Variants in RHBDD1 observed in about 807,000 individuals in gnomAD.
RHBDD1 encodes rhomboid-related protein 4.
In RHBDD1, 38 loss-of-function variants were observed where a neutral mutation model predicts 36.3. The ratio of observed to expected loss-of-function variants is 1.05; its 90% CI spans 0.81 to 1.37. The LOEUF (loss-of-function observed/expected upper bound fraction) is 1.37. Ranked by LOEUF, RHBDD1 falls within the 40% of genes most tolerant of loss-of-function variation. RHBDD1 has a pLI of 0.00. For synonymous variants in RHBDD1, 151 were observed against 136.5 expected (o/e 1.11, Z -0.74); for missense variants, 393 against 377.6 (o/e 1.04, Z -0.34).
intron 8 of RHBDD1, among the ~76,000 whole-genome samples, chr2:226,985,692 A>C (rs1254694604): frequency 6.6e-6 from 1 of 152,238 alleles, no homozygotes; most frequent in Non-Finnish European, 1.5e-5. Context: ...CCAATCAGCA[A>C]CTATTTCTTA....
chr2:226,984,730 A>G (rs1956548115), intron 8 of RHBDD1, among the ~76,000 whole-genome samples: 1 of 152,206 alleles, frequency 6.6e-6, no homozygotes, highest in South Asian at 2.1e-4. Flanking sequence ...CCTAGAACTC[A>G]TGGAATACTC....
chr2:226,942,460 T>A, intron 8 of RHBDD1: 1 of 274,498 alleles, frequency 3.6e-6, no homozygotes, highest in South Asian at 3.1e-5. Context: ...AGGATGGTCT[T>A]GATCTCCTGA....
chr2:226,940,540 G>A (rs1020990547), intron 8 of RHBDD1, among the ~76,000 whole-genome samples: 2 of 152,238 alleles, frequency 1.3e-5, no homozygotes, highest in Admixed American at 6.5e-5. Flanking sequence ...TTGTGTGTGT[G>A]TGTGTATCTC....
chr2:226,911,857 G>A (rs2125688258), intron 7 of RHBDD1, among the ~76,000 whole-genome samples: 1 of 152,164 alleles, frequency 6.6e-6, no homozygotes, highest in African/African-American at 2.4e-5. Context: ...AAATATGAAA[G>A]TTGGGTTATT....
In RHBDD1 at chr2:226,914,359, T is replaced by C. The variant is rs1257491575; in HGVS notation, c.856+8T>C. ...CCAGCCTCTGGGACCGAGGTAGGAGTCTTGCGCCCTTCAGTTATTTTAAAG... is the reference window on the plus strand; with the variant it reads ...CCAGCCTCTGGGACCGAGGTAGGAGCCTTGCGCCCTTCAGTTATTTTAAAG... On this transcript the variant is annotated splice_region_variant and intron_variant, in intron 8 of 8. Transcript: ENST00000392062. 6.2e-7 allele frequency: 1 copy of C among 1,608,404 alleles called. No individual in the cohort carries two copies. Among genetic ancestry groups the C allele is most frequent in the East Asian group, 2.2e-5 (1 of 44,744 alleles).
intron 5 of RHBDD1, among the ~76,000 whole-genome samples, chr2:226,894,790 G>A (rs1946965960): frequency 6.6e-6 from 1 of 152,182 alleles, no homozygotes; most frequent in South Asian, 2.1e-4. Context: ...TTAAGTAGCA[G>A]GGTGATGTCA....
chr2:226,964,529 C>T (rs1952475585), intron 8 of RHBDD1, among the ~76,000 whole-genome samples: 1 of 152,156 alleles, frequency 6.6e-6, no homozygotes, highest in South Asian at 2.1e-4. Context: ...CTCTTCTTTT[C>T]TTCTCCCAAG....
chr2:226,833,374 T>G (rs1415193080), upstream of RHBDD1, among the ~76,000 whole-genome samples: 1 of 152,226 alleles, frequency 6.6e-6, no homozygotes, highest in Non-Finnish European at 1.5e-5. Context: ...TTGCCTGACG[T>G]CCTCTCACTT....
At chr2:226,981,004 C>T (rs1955600444) in intron 8 of RHBDD1, among the ~76,000 whole-genome samples, 1 of 152,168 alleles carries the variant, frequency 6.6e-6, no homozygotes, top group Non-Finnish European at 1.5e-5. Context: ...CTGAGGCAGG[C>T]CATTTCAAGG....
intron 8 of RHBDD1, among the ~76,000 whole-genome samples, chr2:226,979,286 A>G (rs115209127): frequency 0.01 from 1,539 of 152,322 alleles, 12 homozygotes; most frequent in Non-Finnish European, 0.018. Flanking sequence ...TCACACAACC[A>G]GGAAAGATAA....
At chr2:226,936,687 C>T (rs1950352386) in intron 8 of RHBDD1, among the ~76,000 whole-genome samples, 1 of 152,068 alleles carries the variant, frequency 6.6e-6, no homozygotes, top group Non-Finnish European at 1.5e-5. Flanking sequence ...TTTCTTTGCA[C>T]ACTCATGATG....
intron 8 of RHBDD1, among the ~76,000 whole-genome samples, chr2:226,950,685 G>A (rs1380708824): frequency 6.6e-6 from 1 of 152,156 alleles, no homozygotes; most frequent in East Asian, 1.9e-4. Flanking sequence ...TAACAAGTGT[G>A]AGGTAGGTGA....
At chr2:226,882,624 G>A (rs1420712163) in intron 5 of RHBDD1, among the ~76,000 whole-genome samples, 4 of 151,186 alleles carry the variant, frequency 2.6e-5, no homozygotes, top group Non-Finnish European at 5.9e-5. Flanking sequence ...CCCCCGCCCC[G>A]AACCTCACAC....
intron 5 of RHBDD1, among the ~76,000 whole-genome samples, chr2:226,900,373 G>A (rs898387323): frequency 6.6e-6 from 1 of 152,130 alleles, no homozygotes; most frequent in Non-Finnish European, 1.5e-5. Flanking sequence ...TCTCATTGTA[G>A]TCTGAGTGTG....
intron 8 of RHBDD1, among the ~76,000 whole-genome samples, chr2:226,951,853 G>A (rs1951448571): frequency 6.6e-6 from 1 of 152,242 alleles, no homozygotes; most frequent in African/African-American, 2.4e-5. Flanking sequence ...ATGTTTCAGT[G>A]AATTAATGGA....
chr2:226,876,480 C>T (rs1157450725), intron 5 of RHBDD1, among the ~76,000 whole-genome samples: 2 of 152,196 alleles, frequency 1.3e-5, no homozygotes, highest in Admixed American at 1.3e-4. Flanking sequence ...CACATATCAT[C>T]CTTATACCTA....
At chr2:226,895,526 C>T (rs917712353) in intron 5 of RHBDD1, 4 of 247,348 alleles carry the variant, frequency 1.6e-5, no homozygotes, top group African/African-American at 9.3e-5. Context: ...GAAAAGAACA[C>T]TAACCTCACA....
chr2:226,808,820 T>A, the RHBDD1 span, among the ~76,000 whole-genome samples: 2 of 150,752 alleles, frequency 1.3e-5, no homozygotes, highest in Non-Finnish European at 3.0e-5. Flanking sequence ...CCCACCCAGA[T>A]AAAAGGGCAG....
intron 8 of RHBDD1, among the ~76,000 whole-genome samples, chr2:226,986,438 G>A (rs561204310): frequency 4.6e-5 from 7 of 152,028 alleles, no homozygotes; most frequent in East Asian, 1.9e-4. Context: ...CAACTTTTAC[G>A]TAAATTTAAA....
Sources: gnomAD v4.1 joint callset for allele counts (sites outside exome capture counted in the v4.1 genomes callset) on GRCh38, gnomAD v4.1.1 for gene constraint, MANE v1.5 for transcripts, NCBI Gene and HGNC (gene_info 2026-07-23, HGNC 2026-07-21) for gene names.